BPIFC: variants seen among roughly 807,000 people sequenced by gnomAD.
BPIFC encodes the protein BPI fold containing family C.
A neutral mutation model predicts 57.6 loss-of-function variants in BPIFC; 60 were observed. The observed-to-expected ratio is 1.04, with a 90% confidence interval of 0.85 to 1.29. The LOEUF is 1.29. Ranked by LOEUF, BPIFC falls within the 50% of genes most tolerant of loss-of-function variation. The probability of loss-of-function intolerance (pLI) is 0.00; values close to 1 mark genes in which losing one functional copy is unlikely to be tolerated. For synonymous variants in BPIFC, 243 were observed against 224.5 expected, an observed-to-expected ratio of 1.08 and a Z score of -0.74; for missense variants, 581 against 600.5, an observed-to-expected ratio of 0.97 and a Z score of 0.34.
At chr22:32,417,227 G>A (rs1933707292) in intron 14 of BPIFC, 79 bp from the exon 15 acceptor site, 9 of 1,014,766 alleles carry the variant, frequency 8.9e-6, no homozygotes, top group Non-Finnish European at 1.4e-5. Context: ...CCAGGCTGGA[G>A]TGCAGTAGTG....
At chr22:32,447,862 G>A (rs1934774732) in intron 4 of BPIFC, among the ~76,000 whole-genome samples, 1 of 151,896 alleles carries the variant, frequency 6.6e-6, no homozygotes, top group South Asian at 2.1e-4. Context: ...TCCTGTTTCA[G>A]CCTCCCAAAG....
chr22:32,418,737 G>A (rs1933753319), intron 14 of BPIFC, among the ~76,000 whole-genome samples: 1 of 152,046 alleles, frequency 6.6e-6, no homozygotes, highest in Admixed American at 6.5e-5. Flanking sequence ...TTCTACCCGG[G>A]CATTCTGACA....
chr22:32,433,944 T>C (rs373077991), intron 10 of BPIFC, among the ~76,000 whole-genome samples, 172 bp from the exon 11 acceptor site: 3 of 152,256 alleles, frequency 2.0e-5, no homozygotes, highest in South Asian at 2.1e-4. Flanking sequence ...AATCCGAGGC[T>C]CAGAGAAGTA....
At chr22:32,433,644 A>G in intron 11 of BPIFC, 75 bp downstream of exon 11, 1 of 1,334,940 alleles carries the variant, frequency 7.5e-7, no homozygotes, top group Non-Finnish European at 1.1e-6. Context: ...AGGAATACGT[A>G]GAACCCACAA....
intron 13 of BPIFC, among the ~76,000 whole-genome samples, chr22:32,428,556 C>G (rs2145924116): frequency 6.6e-6 from 1 of 152,168 alleles, no homozygotes; most frequent in South Asian, 2.1e-4. Flanking sequence ...TTCGTAAAAC[C>G]TTTTCTTTCT....
intron 4 of BPIFC, among the ~76,000 whole-genome samples, chr22:32,449,092 A>C (rs896490557): frequency 3.9e-5 from 6 of 152,336 alleles, no homozygotes; most frequent in Admixed American, 3.9e-4. Context: ...AAAGATAAGA[A>C]GATAAAAAAA....
rs117124965 is a variant in BPIFC at position 32,458,317 on chromosome 22, C to T, written c.1-931G>A. On this transcript the variant is annotated intron_variant, in intron 2 of 16. Coordinates refer to ENST00000300399, the MANE Select transcript of BPIFC (RefSeq NM_174932.3). The stretch of plus-strand genomic sequence containing the variant: ...TCTTTGTATTTGCTGTTTCCTCTTC[C>T]TGGCATAGTCTTCCTCAAAGAACCC... 7.1e-4 allele frequency among the ~76,000 whole-genome samples: 108 copies of T among 152,286 alleles called. 1 individual carries two copies. In the East Asian group the frequency reaches 0.015, roughly 21 times the overall value.
At chr22:32,421,180 C>T (rs5749433) in intron 13 of BPIFC, among the ~76,000 whole-genome samples, 13,752 of 152,166 alleles carry the variant, frequency 0.09, 1,020 homozygotes, top group East Asian at 0.45. Context: ...TCAAGGTCAA[C>T]GTTGTCTGTT....
chr22:32,447,284 A>ACG lies in BPIFC; in HGVS notation c.301_302insCG (p.Val101AlafsTer7). On this transcript the variant is annotated frameshift_variant, in exon 5 of 17. Transcript: ENST00000300399. LOFTEE classifies it high-confidence loss of function. ...ATGGTTGGTTAGCGCTTTGATTCCC[A>ACG]CTCCAGGCACAAAAGCCAATGAGGT... 1 of 1,613,996 alleles carries ACG rather than the reference A, an allele frequency of 6.2e-7. No homozygotes were observed. The highest frequency in any genetic ancestry group is 8.5e-7 in the Non-Finnish European group (1 of 1,179,980).
intron 3 of BPIFC, among the ~76,000 whole-genome samples, chr22:32,456,726 A>G (rs1935047075): frequency 6.6e-6 from 1 of 152,126 alleles, no homozygotes; most frequent in South Asian, 2.1e-4. Flanking sequence ...AAGGAAAATC[A>G]CATCCCAACG....
chr22:32,455,692 C>G (rs1330978014), intron 3 of BPIFC, among the ~76,000 whole-genome samples: 1 of 152,186 alleles, frequency 6.6e-6, no homozygotes, highest in Non-Finnish European at 1.5e-5. Context: ...TCCGGCAGCA[C>G]AGACCTGAAT....
chr22:32,455,204 C>T (rs1382494022), intron 3 of BPIFC, among the ~76,000 whole-genome samples: 3 of 152,036 alleles, frequency 2.0e-5, no homozygotes, highest in Admixed American at 6.5e-5. Flanking sequence ...GCGCATGCCA[C>T]AATGCCCAGT....
chr22:32,454,746 T>C (rs1034294019), intron 3 of BPIFC, among the ~76,000 whole-genome samples: 1 of 152,132 alleles, frequency 6.6e-6, no homozygotes. Context: ...CAAAGACAGA[T>C]ATAAAGGATG....
At chr22:32,457,223 A>T (rs766839949) in intron 3 of BPIFC, 40 bp downstream of exon 3, 5 of 1,568,288 alleles carry the variant, frequency 3.2e-6, no homozygotes, top group Non-Finnish European at 4.3e-6. Flanking sequence ...GACCCCACCT[A>T]GTGGGCCTGA....
chr22:32,438,843 C>T (rs917539439), intron 8 of BPIFC, among the ~76,000 whole-genome samples: 2 of 151,448 alleles, frequency 1.3e-5, no homozygotes, highest in Non-Finnish European at 1.5e-5. Flanking sequence ...AAGGAGTATG[C>T]TTTACTGTTG....
intron 13 of BPIFC, among the ~76,000 whole-genome samples, chr22:32,425,998 A>G (rs1934057237): frequency 6.6e-6 from 1 of 152,226 alleles, no homozygotes; most frequent in African/African-American, 2.4e-5. Context: ...TAGTGGCAGC[A>G]CTGGGATCAG....
chr22:32,448,279 A>G (rs1233365798), intron 4 of BPIFC, among the ~76,000 whole-genome samples: 1 of 151,992 alleles, frequency 6.6e-6, no homozygotes, highest in East Asian at 2.0e-4. Flanking sequence ...CATGTTAGCC[A>G]GGATGGTCTT....
chr22:32,445,795 A>G, intron 6 of BPIFC, 46 bp downstream of exon 6: 1 of 1,608,282 alleles, frequency 6.2e-7, no homozygotes, highest in Non-Finnish European at 8.5e-7. Flanking sequence ...ATGCCTGAGT[A>G]TCCAGCCCCT....
At chr22:32,416,510 C>A (rs1374259436) in intron 15 of BPIFC, among the ~76,000 whole-genome samples, 2 of 152,196 alleles carry the variant, frequency 1.3e-5, no homozygotes, top group East Asian at 1.9e-4. Context: ...AATGCACCTA[C>A]AATTATGTTC....
Sources: allele counts gnomAD v4.1 joint callset (sites outside exome capture counted in the v4.1 genomes callset), GRCh38; gene constraint gnomAD v4.1.1; transcripts MANE v1.5; gene names NCBI Gene and HGNC (gene_info 2026-07-23, HGNC 2026-07-21).